Variants in CLIP2 observed in about 807,000 individuals in gnomAD.
CLIP2 encodes CAP-Gly domain containing linker protein 2.
In CLIP2, 41 loss-of-function variants were observed where a neutral mutation model predicts 111.7. The ratio of observed to expected loss-of-function variants is 0.37; its 90% confidence interval spans 0.29 to 0.48. The LOEUF (loss-of-function observed/expected upper bound fraction) is 0.48, where lower values mean the gene tolerates loss of function less well. CLIP2 is among the 20% of genes least tolerant of loss of function. The probability of loss-of-function intolerance (pLI) is 0.99; values close to 1 mark genes in which losing one functional copy is unlikely to be tolerated. For missense variants in CLIP2, 1,160 were observed against 1,422.1 expected (o/e 0.82, Z 2.96); for synonymous variants, 660 against 644.2 (o/e 1.02, Z -0.37).
intron 13 of CLIP2, among the ~76,000 whole-genome samples, chr7:74,391,213 A>G (rs1262083890): frequency 6.6e-6 from 1 of 152,174 alleles, no homozygotes; most frequent in Non-Finnish European, 1.5e-5. Flanking sequence ...TGGTTGAACT[A>G]TGTTCTAAAA....
Position 74,360,989 on chromosome 7 carries a change from G to A in CLIP2, c.1319+711G>A, listed in dbSNP as rs781805675. Among the ~76,000 whole-genome samples, 11 of 152,166 alleles carry A rather than the reference G, an allele frequency of 7.2e-5. 1 individual carries two copies. Among genetic ancestry groups the A allele is most frequent in the Admixed American group, 2.6e-4 (4 of 15,276 alleles). ...TGGGGAGCCGTGCACCAGGAAGAAG[G>A]CTGAATGCCCCACCCCTCCACCATG... On this transcript the variant is annotated intron_variant, in intron 7 of 16. Coordinates refer to ENST00000223398, the MANE Select transcript of CLIP2 (RefSeq NM_003388.5).
rs1554313779 is a variant in CLIP2 at position 74,380,870 on chromosome 7, G to GGC, written c.2479+8_2479+9dup. On this transcript the variant is annotated splice_region_variant and intron_variant, in intron 11 of 16. Coordinates refer to ENST00000223398, the MANE Select transcript of CLIP2 (RefSeq NM_003388.5). Reference sequence around the variant, plus strand: ...ACGAAGGAAACTGTGGAGGGTGAGTGGCCACCAGGCCGGGCGGGACTCTGG... The same window carrying GGC: ...ACGAAGGAAACTGTGGAGGGTGAGTGGCGCCACCAGGCCGGGCGGGACTCTGG... The GGC allele has an allele frequency of 3.1e-6, 5 of 1,613,446 alleles. No individual in the cohort carries two copies. The South Asian group carries it at 5.5e-5, about 18-fold the overall frequency.
At chr7:74,295,161 C>G (rs557463854) in intron 1 of CLIP2, among the ~76,000 whole-genome samples, 1 of 152,052 alleles carries the variant, frequency 6.6e-6, no homozygotes, top group African/African-American at 2.4e-5. Flanking sequence ...AGGGTTTCAC[C>G]GTGTTGCCCA....
Position 74,364,256 on chromosome 7 carries a change from A to C in CLIP2, c.1321A>C (p.Lys441Gln). ...GCCACCTCTTTCCCTCCCCTGCAGG[A>C]AGGTGGAGGATCTGCAGTTCCGCGT... ...LSNQLEEERR[K>Q]VEDLQFRVEE... The change falls in exon 8 of 17, where the codon AAG becomes CAG. Residue 441 changes from lysine to glutamine, a missense_variant and splice_region_variant. By Grantham distance (53) the Lys-to-Gln change is moderately conservative. This residue lies in a region of CLIP2 where 70 missense variants were observed against 114.9 expected (regional missense o/e 0.61). Coordinates refer to ENST00000223398, the MANE Select transcript of CLIP2 (RefSeq NM_003388.5). The C allele has an allele frequency of 6.2e-7, 1 of 1,613,178 alleles. No homozygotes were observed. Among genetic ancestry groups the C allele is most frequent in the Non-Finnish European group, 8.5e-7 (1 of 1,179,600 alleles).
intron 3 of CLIP2, among the ~76,000 whole-genome samples, chr7:74,346,346 G>A (rs900212535): frequency 2.6e-5 from 4 of 152,082 alleles, no homozygotes; most frequent in African/African-American, 4.8e-5. Flanking sequence ...GTGTCCATCC[G>A]GAAACCCTAG....
intron 3 of CLIP2, among the ~76,000 whole-genome samples, chr7:74,341,718 A>G (rs1380026044): frequency 6.6e-6 from 1 of 152,010 alleles, no homozygotes; most frequent in Non-Finnish European, 1.5e-5. Context: ...CAGCCTCCCA[A>G]GAAGCTGGGA....
chr7:74,332,386 C>T (rs934768771), intron 2 of CLIP2, among the ~76,000 whole-genome samples: 1 of 150,140 alleles, frequency 6.7e-6, no homozygotes, highest in Admixed American at 6.7e-5. Context: ...ATTTTTTTCT[C>T]AGAGGCAGTG....
In CLIP2 at chr7:74,376,371, A is replaced by T. The variant is rs782423582; in HGVS notation, c.1970A>T (p.Lys657Met). The T allele has an allele frequency of 3.2e-5, 52 of 1,613,948 alleles. No homozygotes were observed. The highest frequency in any genetic ancestry group is 4.2e-5 in the Non-Finnish European group (49 of 1,180,038). ...GELKAVMEGIKMEHQLELGNL... is the reference protein window; with the variant it reads ...GELKAVMEGIMMEHQLELGNL... ...CTGAAGGCAGTGATGGAGGGCATCA[A>T]GATGGAGCACCAGCTGGAGCTGGGT... The change falls in exon 10 of 17, where the codon AAG becomes ATG. Residue 657 changes from lysine to methionine, a missense_variant. This residue lies in a region of CLIP2 where 676 missense variants were observed against 777.8 expected (regional missense o/e 0.87). Transcript: ENST00000223398. This position sits in a 1 kb window ranked among gnomAD's most constrained non-coding sequence, Gnocchi z 7.1.
intron 1 of CLIP2, among the ~76,000 whole-genome samples, chr7:74,313,333 G>C (rs904332100): frequency 6.6e-6 from 1 of 151,796 alleles, no homozygotes; most frequent in African/African-American, 2.4e-5. Context: ...GCCGAGGGGG[G>C]CAGATCATGA....
intron 16 of CLIP2, 134 bp from the exon 17 acceptor site, chr7:74,403,703 C>T: frequency 1.1e-6 from 1 of 877,064 alleles, no homozygotes; most frequent in East Asian, 2.4e-5. Flanking sequence ...TGCCTCAGGG[C>T]CTTGGCACAT....
intron 2 of CLIP2, among the ~76,000 whole-genome samples, chr7:74,325,910 A>T (rs1442455138): frequency 6.6e-6 from 1 of 151,938 alleles, no homozygotes; most frequent in Non-Finnish European, 1.5e-5. Context: ...TGATGAGCAC[A>T]GGGGCCAACC....
chr7:74,390,190 AAAGAAAG>A (rs1554315613), intron 13 of CLIP2, among the ~76,000 whole-genome samples: 1 of 98,170 alleles, frequency 1.0e-5, no homozygotes, highest in African/African-American at 3.6e-5. Context: ...AGAAAGAAAG[AAAGAAAG>A]AAAGAAAGAA....
chr7:74,380,065 T>C (rs1554313658), intron 10 of CLIP2: 2 of 152,296 alleles, frequency 1.3e-5, no homozygotes, highest in South Asian at 2.1e-4. Flanking sequence ...TTGGGATGTA[T>C]GAACAGAAGT....
At chr7:74,367,685 G>C (rs969875344) in intron 8 of CLIP2, among the ~76,000 whole-genome samples, 2 of 152,110 alleles carry the variant, frequency 1.3e-5, no homozygotes, top group Non-Finnish European at 2.9e-5. Flanking sequence ...ATTCAACCCA[G>C]GACCACAGCC....
At chr7:74,315,960 T>C (rs1269100315) in intron 1 of CLIP2, among the ~76,000 whole-genome samples, 1 of 151,530 alleles carries the variant, frequency 6.6e-6, no homozygotes, top group East Asian at 1.9e-4. Context: ...GCCATGGTGG[T>C]TTGCTGCACC....
At chr7:74,372,401 T>TGGGGGGGGGGGGGG (rs797027650) in intron 8 of CLIP2, among the ~76,000 whole-genome samples, 1 of 13,410 alleles carries the variant, frequency 7.5e-5, no homozygotes, top group African/African-American at 3.1e-4. Flanking sequence ...AGCACAGGCC[T>TGGGGGGGGGGGGGG]TGGGGGGGGG....
intron 1 of CLIP2, among the ~76,000 whole-genome samples, chr7:74,292,586 C>T (rs1199928257): frequency 6.6e-6 from 1 of 152,066 alleles, no homozygotes; most frequent in Non-Finnish European, 1.5e-5. Context: ...CAGGGTTTCA[C>T]CATGTTGATC....
chr7:74,352,956 G>C (rs1326545152), intron 3 of CLIP2, among the ~76,000 whole-genome samples: 2 of 151,698 alleles, frequency 1.3e-5, no homozygotes, highest in African/African-American at 4.8e-5. Flanking sequence ...AGACCAGCCT[G>C]GGCAACATAG....
Position 74,356,413 on chromosome 7 carries a change from C to T in CLIP2, c.807C>T (p.Tyr269=). 2 of 1,614,170 alleles carry T rather than the reference C, an allele frequency of 1.2e-6. No individual in the cohort carries two copies. Among genetic ancestry groups the T allele is most frequent in the East Asian group, 2.2e-5 (1 of 44,890 alleles). ...KNDGAVAGTR[Y]FQCPPKFGLF... is the part of the protein sequence containing the mutation. The stretch of plus-strand genomic sequence containing the variant: ...TGGGTCTCTCCTGCTTCCACAGGTA[C>T]TTCCAGTGCCCACCCAAGTTTGGTC... Residue 269 remains tyrosine, a synonymous_variant, in exon 5 of 17, where the codon TAC becomes TAT. Coordinates refer to ENST00000223398, the MANE Select transcript of CLIP2 (RefSeq NM_003388.5).
Sources: allele counts gnomAD v4.1 joint callset (sites outside exome capture counted in the v4.1 genomes callset), GRCh38; gene constraint gnomAD v4.1.1; regional missense constraint gnomAD v4.1.1; non-coding constraint Gnocchi (gnomAD v3.1); transcripts MANE v1.5; gene names NCBI Gene and HGNC (gene_info 2026-07-23, HGNC 2026-07-21).